Variants in NFAT5 observed in about 807,000 individuals in gnomAD.
NFAT5 encodes the protein nuclear factor of activated T cells 5.
Under a neutral mutation model 166.5 loss-of-function variants are expected in NFAT5, and 31 were observed. That is an observed-to-expected ratio of 0.19 (90% CI 0.14 to 0.25). The LOEUF is 0.25. NFAT5 is among the 10% of genes least tolerant of loss of function. The pLI is 1.00. For missense variants in NFAT5, 1,449 were observed against 1,821.8 expected (o/e 0.80, Z 3.72); for synonymous variants, 612 against 639.7 (o/e 0.96, Z 0.65).
chr16:69,578,170 C>A (rs2142919852), intron 2 of NFAT5, among the ~76,000 whole-genome samples: 1 of 152,190 alleles, frequency 6.6e-6, no homozygotes, highest in South Asian at 2.1e-4. Flanking sequence ...TATGCAAATA[C>A]AAAACCATTT....
chr16:69,694,151 C>T lies in NFAT5; in HGVS notation c.4326C>T (p.Asn1442=), dbSNP rs1567617455. 1 of 1,614,220 alleles carries T rather than the reference C, an allele frequency of 6.2e-7. No homozygotes were observed. The highest frequency in any genetic ancestry group is 8.5e-7 in the Non-Finnish European group (1 of 1,180,038). ...SPQPQATLFH[N]TAGGTMNQLQ... ...AACCACAGGCTACTTTATTTCACAACACAGCAGGAGGCACAATGAACCAAC... is the reference window on the plus strand; with the variant it reads ...AACCACAGGCTACTTTATTTCACAATACAGCAGGAGGCACAATGAACCAAC... The change falls in exon 13 of 15, where the codon AAC becomes AAT. Residue 1442 remains asparagine, a synonymous_variant. Transcript: ENST00000349945.
chr16:69,612,421 A>G lies in NFAT5; in HGVS notation c.128-13982A>G, dbSNP rs1382216003. Among the ~76,000 whole-genome samples the G allele has an allele frequency of 1.8e-4, 25 of 141,200 alleles. No homozygotes were observed. In the Admixed American group the frequency reaches 1.9e-3, roughly 11 times the overall value. The allele number at this position is 141,200 out of a possible 152,430, so 92.6% of individuals were successfully genotyped here. On this transcript the variant is annotated intron_variant, in intron 2 of 14. Coordinates refer to ENST00000349945, the MANE Select transcript of NFAT5 (RefSeq NM_138713.4). ...TTTATGTATATTATTCAACTTTTAA[A>G]AACTTTGCATTAAAGTATGGAAAGG... is the stretch of plus-strand genomic sequence containing the variant.
At chr16:69,583,406 G>C (rs1171843535) in intron 2 of NFAT5, among the ~76,000 whole-genome samples, 1 of 151,936 alleles carries the variant, frequency 6.6e-6, no homozygotes, top group African/African-American at 2.4e-5. Flanking sequence ...TGTAGGGATG[G>C]ATTCTTCTCT....
intron 4 of NFAT5, among the ~76,000 whole-genome samples, chr16:69,650,148 T>C (rs1390707209): frequency 6.6e-6 from 1 of 152,080 alleles, no homozygotes; most frequent in African/African-American, 2.4e-5. Flanking sequence ...TTTTTTGACA[T>C]AGGTCACCAG....
intron 2 of NFAT5, among the ~76,000 whole-genome samples, chr16:69,578,965 C>T (rs2031486362): frequency 6.6e-6 from 1 of 151,754 alleles, no homozygotes; most frequent in African/African-American, 2.4e-5. Flanking sequence ...AGCTCCTCCT[C>T]CCAGGCTCAA....
intron 11 of NFAT5, among the ~76,000 whole-genome samples, chr16:69,690,018 T>C (rs2037487680): frequency 6.6e-6 from 1 of 152,188 alleles, no homozygotes; most frequent in African/African-American, 2.4e-5. Flanking sequence ...AGCTTCCAAG[T>C]GGTAGTAAAC....
At position 69,666,150 on chromosome 16, in the gene NFAT5, A is replaced by G. The variant is rs1373200414; in HGVS notation, c.1370-3827A>G. On this transcript the variant is annotated intron_variant, in intron 7 of 14. Coordinates refer to ENST00000349945, the MANE Select transcript of NFAT5 (RefSeq NM_138713.4). ...AGCTGAAACTGGATCCCTTCCTTAC[A>G]CCTTATACAAAAATCAATTCAAGAT... 9.0e-5 allele frequency among the ~76,000 whole-genome samples: 10 copies of G among 110,996 alleles called. No individual in the cohort carries two copies. In the East Asian group the frequency reaches 2.6e-3, roughly 29 times the overall value. The allele number at this position is 110,996 out of a possible 152,430, so 72.8% of individuals were successfully genotyped here.
At chr16:69,576,734 A>G (rs897778628) in intron 2 of NFAT5, among the ~76,000 whole-genome samples, 6 of 152,128 alleles carry the variant, frequency 3.9e-5, no homozygotes, top group Non-Finnish European at 8.8e-5. Context: ...GGTGTTACGC[A>G]CCTGTAGTCC....
intron 4 of NFAT5, among the ~76,000 whole-genome samples, chr16:69,651,920 G>A (rs1052296440): frequency 4.6e-5 from 7 of 151,668 alleles, no homozygotes; most frequent in Admixed American, 2.6e-4. Flanking sequence ...GATCCACCCC[G>A]CTTGGCCTCC....
At position 69,702,424 on chromosome 16, in the gene NFAT5, C is replaced by G. The variant is rs1181646804; in HGVS notation, c.*6073C>G. 2.0e-5 allele frequency: 3 copies of G among 152,236 alleles called. No homozygotes were observed. Among genetic ancestry groups the G allele is most frequent in the Non-Finnish European group, 4.4e-5 (3 of 68,022 alleles). The allele number at this position is 152,236 out of a possible 1,614,324, so 9.4% of individuals were successfully genotyped here. A position where few individuals can be genotyped will look rare whatever the true frequency, so the allele number is the denominator to read the frequency against. On this transcript the variant is annotated 3_prime_UTR_variant, in exon 15 of 15. Coordinates refer to ENST00000349945, the MANE Select transcript of NFAT5 (RefSeq NM_138713.4). ...TAGAAACATTCAGCTTGCTAACCTA[C>G]ATGTTTGGGAATTCATTAAAACCAG...
At chr16:69,569,151 T>TTG (rs761456843) in intron 2 of NFAT5, among the ~76,000 whole-genome samples, 21 of 151,702 alleles carry the variant, frequency 1.4e-4, no homozygotes, top group East Asian at 3.9e-4. Flanking sequence ...ACTTTTGGCT[T>TTG]TGTGTGTGTG....
intron 7 of NFAT5, among the ~76,000 whole-genome samples, chr16:69,668,619 A>T (rs2036498445): frequency 6.6e-6 from 1 of 152,196 alleles, no homozygotes; most frequent in Admixed American, 6.5e-5. Flanking sequence ...CCACCTTTGT[A>T]AATAATCTTT....
intron 2 of NFAT5, among the ~76,000 whole-genome samples, chr16:69,624,903 T>A (rs565503024): frequency 0.012 from 1,707 of 140,120 alleles, 16 homozygotes; most frequent in African/African-American, 0.028. Flanking sequence ...TTCTTTTTTT[T>A]AAAAAAAAAA....
intron 6 of NFAT5, among the ~76,000 whole-genome samples, chr16:69,658,256 G>A (rs756111744): frequency 3.9e-5 from 6 of 152,066 alleles, no homozygotes; most frequent in Non-Finnish European, 8.8e-5. Context: ...GCTGAGGCAT[G>A]CAGATCATCT....
At chr16:69,618,484 A>C (rs969578817) in intron 2 of NFAT5, among the ~76,000 whole-genome samples, 2 of 152,258 alleles carry the variant, frequency 1.3e-5, no homozygotes, top group African/African-American at 4.8e-5. Context: ...AGAGATGCCA[A>C]GTATGATGAC....
rs558421314 is a variant in NFAT5 at position 69,688,362 on chromosome 16, A to G, written c.1775-2578A>G. The stretch of plus-strand genomic sequence containing the variant: ...TTAAAAAGAAAAATACAGACTGTAT[A>G]TTTTTATTTTTATTTATTATTATTA... On this transcript the variant is annotated intron_variant, in intron 11 of 14. Coordinates refer to ENST00000349945, the MANE Select transcript of NFAT5 (RefSeq NM_138713.4). Among the ~76,000 whole-genome samples, 23 of 151,726 alleles carry G rather than the reference A, an allele frequency of 1.5e-4. No homozygotes were observed. In the South Asian group the frequency reaches 4.4e-3, roughly 29 times the overall value.
intron 4 of NFAT5, 25 bp from the exon 5 acceptor site, chr16:69,653,211 T>C (rs768347845): frequency 3.4e-6 from 5 of 1,489,840 alleles, no homozygotes; most frequent in Non-Finnish European, 4.5e-6. Flanking sequence ...TGATACTTTC[T>C]CCATGTTGTG....
At position 69,566,436 on chromosome 16, in the gene NFAT5, GC is replaced by G; in HGVS notation, c.73+64del. ...GGAGACAGGGAGACAGGGAGACAGG[GC>G]CAGGGGAGGCGAGGGGTCCCCGTCC... On this transcript the variant is annotated intron_variant, in intron 1 of 14. Coordinates refer to ENST00000349945, the MANE Select transcript of NFAT5 (RefSeq NM_138713.4). This position sits in a 1 kb window ranked among gnomAD's most constrained non-coding sequence, Gnocchi z 5.7. The G allele has an allele frequency of 1.5e-6, 2 of 1,377,926 alleles. No individual in the cohort carries two copies. The highest frequency in any genetic ancestry group is 2.0e-6 in the Non-Finnish European group (2 of 994,830). 85.4% of individuals were successfully genotyped at this position (1,377,926 alleles called of 1,614,324 possible).
rs1314404374 is a variant in NFAT5, at chr16:69,659,894, T to C, written c.1364T>C (p.Leu455Ser). The change falls in exon 7 of 15, where the codon TTG becomes TCG. Residue 455 changes from leucine to serine, a missense_variant. Coordinates refer to ENST00000349945, the MANE Select transcript of NFAT5 (RefSeq NM_138713.4). ...LTLQTPSSPILCTQPAGVPEI... is the reference protein window; with the variant it reads ...LTLQTPSSPISCTQPAGVPEI... ...CTGCAAACACCCTCTTCTCCAATTT[T>C]GTGTAGTAAGTAAGAAGATACGGAG... The C allele has an allele frequency of 6.2e-7, 1 of 1,603,384 alleles. No individual in the cohort carries two copies. Among genetic ancestry groups the C allele is most frequent in the Non-Finnish European group, 8.5e-7 (1 of 1,174,190 alleles).
Sources: allele counts gnomAD v4.1 joint callset (sites outside exome capture counted in the v4.1 genomes callset), GRCh38; gene constraint gnomAD v4.1.1; non-coding constraint Gnocchi (gnomAD v3.1); transcripts MANE v1.5; gene names NCBI Gene and HGNC (gene_info 2026-07-23, HGNC 2026-07-21).